The following TLR1 variants were observed in gnomAD, a reference collection of about 807,000 sequenced individuals.
TLR1 encodes the protein toll-like receptor 1.
A neutral mutation model predicts 20.2 loss-of-function variants in TLR1; 19 were observed. The ratio of observed to expected loss-of-function variants is 0.94; its 90% confidence interval spans 0.66 to 1.38. The LOEUF is 1.38. TLR1 is among the 40% of genes most tolerant of loss of function. The pLI, the probability that TLR1 is intolerant of heterozygous loss-of-function variation, is 0.00. For missense variants in TLR1, 921 were observed against 910.0 expected, an observed-to-expected ratio of 1.01 and a Z score of -0.16; for synonymous variants, 320 against 334.5, an observed-to-expected ratio of 0.96 and a Z score of 0.47.
chr4:38,800,043 G>C (rs1726527024), intron 3 of TLR1, among the ~76,000 whole-genome samples: 1 of 152,142 alleles, frequency 6.6e-6, no homozygotes, highest in African/African-American at 2.4e-5. Flanking sequence ...ACAGTGCTTG[G>C]GGGTGGCTAT....
At chr4:38,795,454 C>T (rs1725980233), downstream of TLR1, among the ~76,000 whole-genome samples, 1 of 152,168 alleles carries the variant, frequency 6.6e-6, no homozygotes, top group Non-Finnish European at 1.5e-5. Context: ...TAATAGTTCC[C>T]CAAAGAGACA....
chr4:38,797,973 G>GCTGA lies in TLR1; in HGVS notation c.855_858dup (p.Leu287SerfsTer8). ...GAATAATCAAAATCTCTGAAGTCCAGCTGACCCTGTAGCTTCACGTTTGAA... is the reference window on the plus strand; with the variant it reads ...GAATAATCAAAATCTCTGAAGTCCAGCTGACTGACCCTGTAGCTTCACGTTTGAA... On this transcript the variant is annotated frameshift_variant, in exon 4 of 4. Transcript: ENST00000308979. LOFTEE classifies it low-confidence loss of function (END_TRUNC). 5 of 1,614,154 alleles carry GCTGA rather than the reference G, an allele frequency of 3.1e-6. No homozygotes were observed. In the South Asian group the frequency reaches 5.5e-5, roughly 18 times the overall value.
rs1446772488 is a variant in TLR1 at position 38,796,573 on chromosome 4, C to T, written c.2259G>A (p.Arg753=). Reference sequence around the variant, plus strand: ...TTTCCTTGGGCCATTCCAAATAAGTCCTCCTGGCCATGAGACTTTTGAGCT... The same window carrying T: ...TTTCCTTGGGCCATTCCAAATAAGTTCTCCTGGCCATGAGACTTTTGAGCT... The part of the protein sequence containing the change: ...YHKLKSLMAR[R]TYLEWPKEKS... Residue 753 remains arginine (R), a synonymous_variant, in exon 4 of 4, where the codon AGG becomes AGA. Coordinates refer to ENST00000308979, the MANE Select transcript of TLR1 (RefSeq NM_003263.4). 3 of 1,614,158 alleles carry T rather than the reference C, an allele frequency of 1.9e-6. No individual in the cohort carries two copies. Among genetic ancestry groups the T allele is most frequent in the South Asian group, 1.1e-5 (1 of 91,080 alleles).
chr4:38,796,839 G>C lies in TLR1; in HGVS notation c.1993C>G (p.Gln665Glu). ...AAGTTTCTCTCATGAAGGCAAATCT[G>C]CATACCTTCTTTCTCTAGGTTTGGC... Reference protein sequence around the residue: ...LLPNLEKEGMQICLHERNFVP... With the variant: ...LLPNLEKEGMEICLHERNFVP... Residue 665 changes from glutamine to glutamate, a missense_variant, in exon 4 of 4, where the codon CAG (glutamine) becomes GAG (glutamate). Physicochemically the swap from Gln to Glu is conservative, Grantham distance 29 (BLOSUM62 2). Coordinates refer to ENST00000308979, the MANE Select transcript of TLR1 (RefSeq NM_003263.4). 6.2e-7 allele frequency: 1 copy of C among 1,614,254 alleles called. No individual in the cohort carries two copies. Among genetic ancestry groups the C allele is most frequent in the Non-Finnish European group, 8.5e-7 (1 of 1,180,052 alleles).
At chr4:38,799,585 A>G (rs902495831) in intron 3 of TLR1, among the ~76,000 whole-genome samples, 2 of 152,172 alleles carry the variant, frequency 1.3e-5, no homozygotes, top group African/African-American at 4.8e-5. Flanking sequence ...GTTCATAGAA[A>G]GTTTTCTGGC....
chr4:38,804,527 T>C (rs1726897245), intron 1 of TLR1, 145 bp from the exon 2 acceptor site: 1 of 152,150 alleles, frequency 6.6e-6, no homozygotes, highest in African/African-American at 2.4e-5. Flanking sequence ...TATAAGCAAA[T>C]CACACACGAG....
chr4:38,792,853 T>TTATATATA (rs72518392), downstream of TLR1, among the ~76,000 whole-genome samples: 243 of 122,246 alleles, frequency 2.0e-3, 8 homozygotes, highest in African/African-American at 4.6e-3. Flanking sequence ...TATTTTCAAA[T>TTATATATA]TATATATATA....
downstream of TLR1, among the ~76,000 whole-genome samples, chr4:38,795,439 T>C (rs1725979051): frequency 6.6e-6 from 1 of 152,250 alleles, no homozygotes; most frequent in Non-Finnish European, 1.5e-5. Context: ...GCTCATGCTC[T>C]ACTTTAATAG....
At chr4:38,796,156 T>C (rs1242561064), downstream of TLR1, 1 of 286,232 alleles carries the variant, frequency 3.5e-6, no homozygotes, top group African/African-American at 2.2e-5. Context: ...ATATTGGCCA[T>C]GATACACTAG....
At chr4:38,794,263 C>A (rs1032308676), downstream of TLR1, among the ~76,000 whole-genome samples, 2 of 152,322 alleles carry the variant, frequency 1.3e-5, no homozygotes, top group Middle Eastern at 3.4e-3. Flanking sequence ...CCAGTTCTTA[C>A]AATTTTTGCA....
At chr4:38,798,944 T>A in intron 3 of TLR1, 46 bp from the exon 4 acceptor site, 1 of 926,906 alleles carries the variant, frequency 1.1e-6, no homozygotes, top group East Asian at 2.8e-5. Flanking sequence ...CATACATTTT[T>A]AAAATACACG....
downstream of TLR1, among the ~76,000 whole-genome samples, chr4:38,787,966 C>A (rs2109332869): frequency 6.6e-6 from 1 of 152,352 alleles, no homozygotes; most frequent in South Asian, 2.1e-4. Flanking sequence ...CCCCTCTCAA[C>A]TGACCCTGCT....
At chr4:38,795,932 A>C (rs548429880), downstream of TLR1, among the ~76,000 whole-genome samples, 202 of 152,304 alleles carry the variant, frequency 1.3e-3, no homozygotes, top group African/African-American at 4.3e-3. Context: ...GGCTGTTTCC[A>C]AGGACAATTT....
downstream of TLR1, among the ~76,000 whole-genome samples, chr4:38,788,144 A>T (rs1725648156): frequency 6.6e-6 from 1 of 152,202 alleles, no homozygotes; most frequent in African/African-American, 2.4e-5. Flanking sequence ...GAGGAAAGAG[A>T]GAAATGGAAG....
downstream of TLR1, among the ~76,000 whole-genome samples, chr4:38,795,153 T>C (rs770781481): frequency 6.6e-5 from 10 of 152,144 alleles, no homozygotes; most frequent in Non-Finnish European, 1.3e-4. Context: ...GAAAGGAGCA[T>C]GTATATAATG....
At position 38,800,320 on chromosome 4, in the gene TLR1, G is replaced by T. The variant is rs190440630; in HGVS notation, c.-68+537C>A. On this transcript the variant is annotated intron_variant, in intron 3 of 3. Transcript: ENST00000308979. ...GCTTTGTTGATCATTGCAAGGAGTT[G>T]GGATTCTATTCCAAAAATGATGAGA... Among the ~76,000 whole-genome samples, 381 of 152,260 alleles carry T rather than the reference G, an allele frequency of 2.5e-3. 4 individuals are homozygous for T. Among genetic ancestry groups the T allele is most frequent in the African/African-American group, 9.0e-3 (372 of 41,534 alleles).
chr4:38,797,177 T>C lies in TLR1; in HGVS notation c.1655A>G (p.Asp552Gly). The change falls in exon 4 of 4, where the codon GAT becomes GGT. Residue 552 changes from aspartate to glycine, a missense_variant. Transcript: ENST00000308979. ...VSSEVLEGWP[D>G]SYKCDYPESY... The stretch of plus-strand genomic sequence containing the variant: ...TTCCGGGTAGTCACACTTATAAGAA[T>C]CAGGCCAGCCCTCTAACACTTCACT... 3.1e-6 allele frequency: 5 copies of C among 1,614,230 alleles called. No individual in the cohort carries two copies. Among genetic ancestry groups the C allele is most frequent in the Non-Finnish European group, 4.2e-6 (5 of 1,180,032 alleles).
At chr4:38,789,811 A>G (rs1725676758), downstream of TLR1, among the ~76,000 whole-genome samples, 3 of 152,174 alleles carry the variant, frequency 2.0e-5, no homozygotes, top group Admixed American at 6.5e-5. Context: ...AGATTTATAT[A>G]TGAACTCTTA....
At position 38,797,178 on chromosome 4, in the gene TLR1, C is replaced by T; in HGVS notation, c.1654G>A (p.Asp552Asn). Residue 552 changes from aspartate to asparagine, a missense_variant, in exon 4 of 4, where the codon GAT becomes AAT. Asp to Asn is a conservative substitution (Grantham distance 23). Transcript: ENST00000308979. The stretch of plus-strand genomic sequence containing the variant: ...TCCGGGTAGTCACACTTATAAGAAT[C>T]AGGCCAGCCCTCTAACACTTCACTT... ...VSSEVLEGWPDSYKCDYPESY... is the reference protein window; with the variant it reads ...VSSEVLEGWPNSYKCDYPESY... The T allele has an allele frequency of 6.2e-7, 1 of 1,614,242 alleles. No individual in the cohort carries two copies.
Sources: gnomAD v4.1 joint callset for allele counts (sites outside exome capture counted in the v4.1 genomes callset) on GRCh38, gnomAD v4.1.1 for gene constraint, MANE v1.5 for transcripts, NCBI Gene and HGNC (gene_info 2026-07-23, HGNC 2026-07-21) for gene names.